The following RANBP2 variants were observed in gnomAD, a reference collection of about 807,000 sequenced individuals.
The protein encoded by RANBP2 is RAN binding protein 2.
In RANBP2, 57 loss-of-function variants were observed where a neutral mutation model predicts 303.6. The ratio of observed to expected loss-of-function variants is 0.19; its 90% CI spans 0.15 to 0.23. The LOEUF is 0.23. RANBP2 is among the 10% of genes least tolerant of loss of function. The pLI is 1.00. For synonymous variants in RANBP2, 1,167 were observed against 1,301.5 expected, an observed-to-expected ratio of 0.90 and a Z score of 2.23; for missense variants, 3,138 against 3,780.8, an observed-to-expected ratio of 0.83 and a Z score of 4.46.
At chr2:109,541,828 A>T in the RANBP2 span, among the ~76,000 whole-genome samples, 1 of 152,054 alleles carries the variant, frequency 6.6e-6, no homozygotes, top group East Asian at 1.9e-4. Context: ...CTCCAAACCT[A>T]CTTGGTTGTC....
chr2:108,735,830 G>A, intron 5 of RANBP2, 68 bp downstream of exon 5: 1 of 1,597,436 alleles, frequency 6.3e-7, no homozygotes, highest in Non-Finnish European at 8.5e-7. Flanking sequence ...TTGTACTAAA[G>A]CAGCAGTGCC....
chr2:109,262,805 A>G, the RANBP2 span, among the ~76,000 whole-genome samples: 2 of 152,074 alleles, frequency 1.3e-5, no homozygotes, highest in Non-Finnish European at 2.9e-5. Context: ...ATAAAATTAT[A>G]TTTTTATTTT....
the RANBP2 span, among the ~76,000 whole-genome samples, chr2:109,332,857 T>G: frequency 1.5e-3 from 232 of 152,352 alleles, no homozygotes; most frequent in Non-Finnish European, 2.6e-3. Flanking sequence ...CACAAAAGTG[T>G]TGAAGTGTTT....
chr2:109,207,312 C>T, the RANBP2 span, among the ~76,000 whole-genome samples: 1 of 152,012 alleles, frequency 6.6e-6, no homozygotes, highest in Admixed American at 6.6e-5. Flanking sequence ...AAGAATTTGT[C>T]TCTAATTTAT....
the RANBP2 span, among the ~76,000 whole-genome samples, chr2:109,673,362 T>G: frequency 6.6e-6 from 1 of 152,228 alleles, no homozygotes. Flanking sequence ...AGGTAATTTC[T>G]GACAGCCTGG....
At chr2:109,144,175 T>TA in the RANBP2 span, among the ~76,000 whole-genome samples, 1 of 152,228 alleles carries the variant, frequency 6.6e-6, no homozygotes, top group Non-Finnish European at 1.5e-5. Flanking sequence ...TGAACTTTGC[T>TA]AAAAGAATAG....
the RANBP2 span, among the ~76,000 whole-genome samples, chr2:108,880,184 G>T: frequency 6.4e-5 from 3 of 47,138 alleles, no homozygotes; most frequent in Non-Finnish European, 9.2e-5. Context: ...TTCCAGACAG[G>T]GTAACTTAAA....
chr2:108,800,134 A>AT, the RANBP2 span, among the ~76,000 whole-genome samples: 1 of 151,940 alleles, frequency 6.6e-6, no homozygotes, highest in Non-Finnish European at 1.5e-5. Context: ...GGTTCTTTGT[A>AT]TGTTCAGTGA....
the RANBP2 span, among the ~76,000 whole-genome samples, chr2:109,628,880 C>T: frequency 1.3e-5 from 2 of 151,924 alleles, no homozygotes; most frequent in African/African-American, 4.8e-5. Flanking sequence ...GGAGTTCGTG[C>T]TCTTGGCAGG....
chr2:109,270,183 GC>G, the RANBP2 span, among the ~76,000 whole-genome samples: 8 of 152,192 alleles, frequency 5.3e-5, no homozygotes, highest in Admixed American at 5.2e-4. Context: ...TTGATGATCA[GC>G]AAATTGGGGC....
chr2:109,592,008 T>C, the RANBP2 span, among the ~76,000 whole-genome samples: 2 of 152,192 alleles, frequency 1.3e-5, no homozygotes, highest in Non-Finnish European at 1.5e-5. Flanking sequence ...TATTTTTAAA[T>C]ACAAATTTCA....
the RANBP2 span, among the ~76,000 whole-genome samples, chr2:108,991,692 G>GCATT: frequency 6.6e-6 from 1 of 152,170 alleles, no homozygotes; most frequent in Non-Finnish European, 1.5e-5. Context: ...GAGAGTCAAT[G>GCATT]GACTCCCATC....
At chr2:108,857,755 G>C in the RANBP2 span, among the ~76,000 whole-genome samples, 3 of 152,088 alleles carry the variant, frequency 2.0e-5, no homozygotes, top group African/African-American at 7.2e-5. Flanking sequence ...GTGAACTGAG[G>C]GATCCAGTAT....
Position 108,758,504 on chromosome 2 carries a change from A to G in RANBP2, c.2558A>G (p.Asp853Gly), listed in dbSNP as rs1456144628. 1.2e-6 allele frequency: 2 copies of G among 1,611,294 alleles called. No homozygotes were observed. Among genetic ancestry groups the G allele is most frequent in the Admixed American group, 3.3e-5 (2 of 59,932 alleles). ...TENYGPDSVP[D>G]GYQGSQTFHG... ...AATTATGGACCAGACTCAGTGCCTG[A>G]TGGATATCAGGGGTCACAGACATTT... The change falls in exon 18 of 29, where the codon GAT becomes GGT. Residue 853 changes from aspartate (D) to glycine (G), a missense_variant. By Grantham distance (94) the Asp-to-Gly change is moderately conservative (BLOSUM62 -1). Coordinates refer to ENST00000283195, the MANE Select transcript of RANBP2 (RefSeq NM_006267.5).
chr2:109,267,700 C>T, the RANBP2 span, among the ~76,000 whole-genome samples: 1 of 152,342 alleles, frequency 6.6e-6, no homozygotes, highest in South Asian at 2.1e-4. Context: ...TCCCCTTTCC[C>T]TTCTTTTACT....
the RANBP2 span, among the ~76,000 whole-genome samples, chr2:109,392,707 G>C: frequency 6.6e-6 from 1 of 151,766 alleles, no homozygotes; most frequent in African/African-American, 2.4e-5. Context: ...AGTAGAGATG[G>C]GGTTTCACCG....
At chr2:109,667,715 C>T in the RANBP2 span, 54 of 170,764 alleles carry the variant, frequency 3.2e-4, no homozygotes, top group Non-Finnish European at 3.4e-4. Context: ...GCTGACATGC[C>T]TGGATGGGAG....
At chr2:109,008,357 A>G in the RANBP2 span, among the ~76,000 whole-genome samples, 3 of 152,194 alleles carry the variant, frequency 2.0e-5, no homozygotes, top group Non-Finnish European at 4.4e-5. Context: ...TGGAAGTGGT[A>G]AGGAGATACC....
the RANBP2 span, among the ~76,000 whole-genome samples, chr2:109,635,791 G>C: frequency 6.6e-6 from 1 of 152,152 alleles, no homozygotes; most frequent in Non-Finnish European, 1.5e-5. Context: ...CACTTTCCCG[G>C]GTCCTAAGTT....
Sources: allele counts gnomAD v4.1 joint callset (sites outside exome capture counted in the v4.1 genomes callset), GRCh38; gene constraint gnomAD v4.1.1; transcripts MANE v1.5; gene names NCBI Gene and HGNC (gene_info 2026-07-23, HGNC 2026-07-21).